The following CABLES1 variants were observed in gnomAD, a reference collection of about 807,000 sequenced individuals.
CABLES1 encodes the protein CDK5 and ABL1 enzyme substrate 1.
CABLES1 carries 36 observed loss-of-function variants against 57.8 expected under a neutral mutation model. The observed-to-expected ratio is 0.62, with a 90% confidence interval of 0.48 to 0.82. The LOEUF is 0.82. Ranked by LOEUF, CABLES1 falls within the 40% of genes least tolerant of loss-of-function variation. The probability of loss-of-function intolerance (pLI) is 0.00; values close to 1 mark genes in which losing one functional copy is unlikely to be tolerated. For synonymous variants in CABLES1, 374 were observed against 363.0 expected, an observed-to-expected ratio of 1.03 and a Z score of -0.35; for missense variants, 767 against 836.6, an observed-to-expected ratio of 0.92 and a Z score of 1.03.
intron 3 of CABLES1, among the ~76,000 whole-genome samples, chr18:23,212,639 G>A (rs1416046071): frequency 2.0e-5 from 3 of 152,190 alleles, no homozygotes; most frequent in Non-Finnish European, 4.4e-5. Context: ...TGCATAGATG[G>A]AGGGGCCACC....
At chr18:23,256,449 T>G (rs1199222191) in intron 9 of CABLES1, among the ~76,000 whole-genome samples, 1 of 152,220 alleles carries the variant, frequency 6.6e-6, no homozygotes, top group African/African-American at 2.4e-5. Flanking sequence ...ACTTACCACG[T>G]GGTTTTTATT....
intron 3 of CABLES1, among the ~76,000 whole-genome samples, chr18:23,209,032 C>T (rs2047384666): frequency 6.6e-6 from 1 of 152,204 alleles, no homozygotes; most frequent in South Asian, 2.1e-4. Context: ...ATAACATCTG[C>T]AAAGACACTA....
chr18:23,222,532 GTCTC>G (rs1269510774), intron 4 of CABLES1, among the ~76,000 whole-genome samples: 15 of 133,524 alleles, frequency 1.1e-4, no homozygotes, highest in African/African-American at 2.2e-4. Context: ...CTCTCTCTCT[GTCTC>G]TCTCTCTATA....
At chr18:23,249,128 G>A (rs1670278199) in intron 7 of CABLES1, among the ~76,000 whole-genome samples, 1 of 152,256 alleles carries the variant, frequency 6.6e-6, no homozygotes, top group Non-Finnish European at 1.5e-5. Flanking sequence ...CCTCTTGGCA[G>A]CAGAAACAGC....
intron 1 of CABLES1, among the ~76,000 whole-genome samples, chr18:23,166,103 A>G (rs1025492669): frequency 4.6e-5 from 7 of 152,156 alleles, no homozygotes; most frequent in Non-Finnish European, 7.3e-5. Context: ...TCTACCTATT[A>G]TGTTCAATGA....
intron 8 of CABLES1, 21 bp from the exon 9 acceptor site, chr18:23,253,708 C>T: frequency 6.2e-7 from 1 of 1,608,092 alleles, no homozygotes. Context: ...AGACTGTTCC[C>T]TCTTGCCTGT....
At chr18:23,187,238 C>A (rs2047209179) in intron 1 of CABLES1, among the ~76,000 whole-genome samples, 1 of 152,180 alleles carries the variant, frequency 6.6e-6, no homozygotes. Flanking sequence ...TAGTTAATTG[C>A]AGAGTGAAAC....
At chr18:23,250,243 T>C (rs564469056) in intron 7 of CABLES1, among the ~76,000 whole-genome samples, 47 of 152,196 alleles carry the variant, frequency 3.1e-4, no homozygotes, top group Non-Finnish European at 4.6e-4. Flanking sequence ...GGCAGATGAC[T>C]TTACTTGAGC....
chr18:23,157,196 C>T (rs1037922991), intron 1 of CABLES1, among the ~76,000 whole-genome samples: 1 of 152,054 alleles, frequency 6.6e-6, no homozygotes, highest in Non-Finnish European at 1.5e-5. Context: ...TGGAGACCAG[C>T]CTGGGCAGTA....
chr18:23,210,331 G>C (rs1442385113), intron 3 of CABLES1, among the ~76,000 whole-genome samples: 1 of 152,156 alleles, frequency 6.6e-6, no homozygotes, highest in Non-Finnish European at 1.5e-5. Flanking sequence ...AATGATTTGG[G>C]CTTTTTGCAT....
At chr18:23,160,165 G>C (rs1386368859) in intron 1 of CABLES1, among the ~76,000 whole-genome samples, 1 of 151,588 alleles carries the variant, frequency 6.6e-6, no homozygotes, top group Non-Finnish European at 1.5e-5. Context: ...AGCCTCCCGA[G>C]TAGCTGGGAT....
At chr18:23,242,581 G>A (rs1006935553) in intron 7 of CABLES1, among the ~76,000 whole-genome samples, 4 of 152,334 alleles carry the variant, frequency 2.6e-5, no homozygotes, top group Non-Finnish European at 4.4e-5. Context: ...AGGCAATTAA[G>A]AGGAGAAAGT....
intron 1 of CABLES1, among the ~76,000 whole-genome samples, chr18:23,141,449 C>G (rs140319066): frequency 1.3e-5 from 2 of 152,218 alleles, no homozygotes; most frequent in Admixed American, 6.5e-5. Flanking sequence ...TCAGGCAAGT[C>G]GCCAGTCTGT....
intron 7 of CABLES1, among the ~76,000 whole-genome samples, chr18:23,248,593 C>T (rs1275742223): frequency 2.7e-5 from 4 of 145,980 alleles, no homozygotes; most frequent in African/African-American, 1.0e-4. Context: ...TTTGGGAGGC[C>T]GAGGCGGGTG....
chr18:23,218,528 TCAC>T, intron 4 of CABLES1, among the ~76,000 whole-genome samples: 1 of 80,572 alleles, frequency 1.2e-5, no homozygotes, highest in South Asian at 6.5e-4. Context: ...TCCCGCATCC[TCAC>T]TTGCCCTGGC....
intron 1 of CABLES1, among the ~76,000 whole-genome samples, chr18:23,181,701 A>C (rs950828816): frequency 2.0e-5 from 3 of 152,062 alleles, no homozygotes; most frequent in Non-Finnish European, 4.4e-5. Flanking sequence ...CTTCCTAGGA[A>C]CACACAGGCT....
At chr18:23,229,714 TA>T (rs1346249154) in intron 4 of CABLES1, among the ~76,000 whole-genome samples, 3 of 152,248 alleles carry the variant, frequency 2.0e-5, no homozygotes, top group African/African-American at 7.2e-5. Flanking sequence ...CTGGAGTTTT[TA>T]AAAGATTCTT....
At chr18:23,141,209 T>C (rs142237802) in intron 1 of CABLES1, among the ~76,000 whole-genome samples, 2 of 152,334 alleles carry the variant, frequency 1.3e-5, no homozygotes, top group Non-Finnish European at 1.5e-5. Context: ...CCAAGGCCAG[T>C]TGGCAATTAA....
At chr18:23,169,847 G>A (rs2047069601) in intron 1 of CABLES1, among the ~76,000 whole-genome samples, 1 of 152,182 alleles carries the variant, frequency 6.6e-6, no homozygotes, top group Non-Finnish European at 1.5e-5. Context: ...TGTGTGAGCT[G>A]CTGAGGCTCT....
Sources: gnomAD v4.1 joint callset for allele counts (sites outside exome capture counted in the v4.1 genomes callset) on GRCh38, gnomAD v4.1.1 for gene constraint, MANE v1.5 for transcripts, NCBI Gene and HGNC (gene_info 2026-07-23, HGNC 2026-07-21) for gene names.